ENTREP2: variants seen among roughly 807,000 people sequenced by gnomAD.
The protein encoded by ENTREP2 is protein ENTREP2.
At chr15:29,201,991 G>A in the ENTREP2 span, among the ~76,000 whole-genome samples, 3 of 152,096 alleles carry the variant, frequency 2.0e-5, no homozygotes, top group South Asian at 6.2e-4. Context: ...CATAGTGTAC[G>A]AGTTGTGTTA....
At chr15:29,525,990 T>C in the ENTREP2 span, among the ~76,000 whole-genome samples, 1 of 152,246 alleles carries the variant, frequency 6.6e-6, no homozygotes, top group Admixed American at 6.5e-5. Context: ...GTTTAACTGA[T>C]TTATTTCAAG....
At chr15:29,572,116 G>T in the ENTREP2 span, among the ~76,000 whole-genome samples, 3 of 152,170 alleles carry the variant, frequency 2.0e-5, no homozygotes, top group Non-Finnish European at 4.4e-5. Context: ...AATTCCCCTT[G>T]AAGGGGCTAT....
chr15:29,429,375 C>T, the ENTREP2 span, among the ~76,000 whole-genome samples: 1 of 152,198 alleles, frequency 6.6e-6, no homozygotes, highest in Non-Finnish European at 1.5e-5. Flanking sequence ...GCACACGCTA[C>T]CACACCTGGG....
the ENTREP2 span, among the ~76,000 whole-genome samples, chr15:29,306,439 G>C: frequency 6.6e-6 from 1 of 152,092 alleles, no homozygotes; most frequent in Admixed American, 6.5e-5. Context: ...CACTCACAGA[G>C]AAGAAAAAGG....
the ENTREP2 span, among the ~76,000 whole-genome samples, chr15:29,633,829 G>T: frequency 6.6e-6 from 1 of 152,070 alleles, no homozygotes; most frequent in Non-Finnish European, 1.5e-5. Context: ...CGTGGTGACG[G>T]GTGCCTGTAA....
At chr15:29,490,187 T>C in the ENTREP2 span, among the ~76,000 whole-genome samples, 2 of 152,206 alleles carry the variant, frequency 1.3e-5, no homozygotes, top group South Asian at 2.1e-4. Flanking sequence ...CCGGTGCATC[T>C]GGAGTCGTTA....
At chr15:29,560,889 A>C in the ENTREP2 span, among the ~76,000 whole-genome samples, 3 of 150,716 alleles carry the variant, frequency 2.0e-5, no homozygotes. Context: ...TCCCTAGGCC[A>C]AATCTGGCCT....
chr15:29,373,585 GCTTT>G, the ENTREP2 span: 9 of 151,902 alleles, frequency 5.9e-5, no homozygotes, highest in South Asian at 1.5e-3. Context: ...TTTCTGTTTT[GCTTT>G]CTTTTCATTC....
the ENTREP2 span, among the ~76,000 whole-genome samples, chr15:29,657,786 G>A: frequency 6.6e-6 from 1 of 152,114 alleles, no homozygotes; most frequent in African/African-American, 2.4e-5. Context: ...GACCCAGGAA[G>A]TCCAACTGGC....
At chr15:29,355,154 C>T in the ENTREP2 span, among the ~76,000 whole-genome samples, 1 of 152,288 alleles carries the variant, frequency 6.6e-6, no homozygotes, top group Non-Finnish European at 1.5e-5. Flanking sequence ...CCACTCCCTC[C>T]CTGTGCTGTT....
chr15:29,356,268 G>GTATATATATATATA, the ENTREP2 span, among the ~76,000 whole-genome samples: 7 of 57,610 alleles, frequency 1.2e-4, no homozygotes, highest in African/African-American at 6.0e-4. Flanking sequence ...GTGTGTGTGT[G>GTATATATATATATA]TATATATATA....
the ENTREP2 span, among the ~76,000 whole-genome samples, chr15:29,563,742 CAGG>C: frequency 4.1e-3 from 630 of 152,068 alleles, 4 homozygotes; most frequent in African/African-American, 0.015. Flanking sequence ...GAGGCTGAGG[CAGG>C]AGAATCGCTT....
At chr15:29,311,556 G>T in the ENTREP2 span, among the ~76,000 whole-genome samples, 1 of 152,096 alleles carries the variant, frequency 6.6e-6, no homozygotes, top group African/African-American at 2.4e-5. Context: ...AGGGTGTGGT[G>T]GTGCACATCT....
chr15:29,464,803 G>A, the ENTREP2 span, among the ~76,000 whole-genome samples: 2 of 152,086 alleles, frequency 1.3e-5, no homozygotes, highest in Non-Finnish European at 2.9e-5. Context: ...ACAGAGCTCC[G>A]GCCCAGCCTG....
At chr15:29,555,365 T>C in the ENTREP2 span, among the ~76,000 whole-genome samples, 9 of 152,194 alleles carry the variant, frequency 5.9e-5, no homozygotes, top group Admixed American at 3.9e-4. Context: ...AAAGAAAGAA[T>C]TGGGGCTACT....
At chr15:29,671,413 A>G in the ENTREP2 span, among the ~76,000 whole-genome samples, 1 of 152,156 alleles carries the variant, frequency 6.6e-6, no homozygotes, top group Non-Finnish European at 1.5e-5. Flanking sequence ...CTGAGTACCT[A>G]AGACTTGGGA....
At chr15:29,399,148 A>G in the ENTREP2 span, among the ~76,000 whole-genome samples, 1 of 152,188 alleles carries the variant, frequency 6.6e-6, no homozygotes, top group Non-Finnish European at 1.5e-5. Context: ...AACCCCCAAA[A>G]TGAATTCTGC....
At chr15:29,296,984 G>T in the ENTREP2 span, among the ~76,000 whole-genome samples, 1 of 152,058 alleles carries the variant, frequency 6.6e-6, no homozygotes, top group Non-Finnish European at 1.5e-5. Context: ...GACCATCTGT[G>T]ACCCATAAAC....
the ENTREP2 span, among the ~76,000 whole-genome samples, chr15:29,324,297 G>A: frequency 6.6e-6 from 1 of 151,894 alleles, no homozygotes; most frequent in African/African-American, 2.4e-5. Context: ...TTAGAGCCTG[G>A]TCTTGAACTC....
Sources: allele counts gnomAD v4.1 joint callset (sites outside exome capture counted in the v4.1 genomes callset), GRCh38; gene constraint gnomAD v4.1.1; transcripts MANE v1.5; gene names NCBI Gene and HGNC (gene_info 2026-07-23, HGNC 2026-07-21).